Variants in RAPGEF5 observed in about 807,000 individuals in gnomAD.
RAPGEF5 encodes the protein M-Ras-regulated GEF.
In RAPGEF5, 65 loss-of-function variants were observed where a neutral mutation model predicts 125.2. The observed-to-expected ratio is 0.52, with a 90% CI of 0.43 to 0.64. The LOEUF (loss-of-function observed/expected upper bound fraction) is 0.64, where lower values mean the gene tolerates loss of function less well. RAPGEF5 is among the 30% of genes least tolerant of loss of function. The pLI is 0.00. For synonymous variants in RAPGEF5, 391 were observed against 385.9 expected (o/e 1.01, Z -0.16); for missense variants, 958 against 1,048.1 (o/e 0.91, Z 1.19).
At chr7:22,194,073 AAG>A in intron 9 of RAPGEF5, 40 bp from the exon 10 acceptor site, 4 of 1,535,066 alleles carry the variant, frequency 2.6e-6, no homozygotes, top group South Asian at 1.2e-5. Flanking sequence ...GAGAAGGAAA[AAG>A]AGAGAGAAAA....
rs181813163 is a variant in RAPGEF5 at position 22,224,326 on chromosome 7, A to G, written c.871-4335T>C. On this transcript the variant is annotated intron_variant, in intron 8 of 25. Coordinates refer to ENST00000665637, the MANE Select transcript of RAPGEF5 (RefSeq NM_012294.5). ...AAAAAAGTTTCAATGGTGTTATAAA[A>G]TAACTATGAAGGCAGGGAAACTGGG... Among the ~76,000 whole-genome samples, 3 of 152,328 alleles carry G rather than the reference A, an allele frequency of 2.0e-5. 1 individual carries two copies. Among genetic ancestry groups the G allele is most frequent in the Non-Finnish European group, 4.4e-5 (3 of 68,026 alleles).
At chr7:22,213,571 T>C (rs1260232213) in intron 9 of RAPGEF5, among the ~76,000 whole-genome samples, 2 of 152,194 alleles carry the variant, frequency 1.3e-5, no homozygotes, top group Non-Finnish European at 2.9e-5. Flanking sequence ...CTATTAAAAA[T>C]GGACTATAAT....
intron 1 of RAPGEF5, among the ~76,000 whole-genome samples, chr7:22,335,361 C>G (rs1244838580): frequency 6.6e-6 from 1 of 152,196 alleles, no homozygotes; most frequent in Non-Finnish European, 1.5e-5. Context: ...AATCTAAGAA[C>G]TGGGAAAGGC....
intron 11 of RAPGEF5, among the ~76,000 whole-genome samples, chr7:22,181,625 T>G (rs1784677936): frequency 6.6e-6 from 1 of 152,194 alleles, no homozygotes; most frequent in Non-Finnish European, 1.5e-5. Flanking sequence ...GTTCTGGGAT[T>G]TTGGTTGTTG....
At chr7:22,296,419 T>C (rs1252951929) in intron 5 of RAPGEF5, among the ~76,000 whole-genome samples, 1 of 152,140 alleles carries the variant, frequency 6.6e-6, no homozygotes, top group African/African-American at 2.4e-5. Context: ...AAATAACCTC[T>C]ATTGTGATTT....
chr7:22,247,748 A>AT (rs1786515524), intron 7 of RAPGEF5, among the ~76,000 whole-genome samples: 3 of 139,472 alleles, frequency 2.2e-5, no homozygotes, highest in Admixed American at 1.5e-4. Flanking sequence ...GGTGGACTGG[A>AT]TAAAAAAAAA....
At chr7:22,198,217 G>A (rs17146385) in intron 9 of RAPGEF5, among the ~76,000 whole-genome samples, 5,973 of 152,170 alleles carry the variant, frequency 0.039, 232 homozygotes, top group South Asian at 0.16. Context: ...CCAGAGAGAA[G>A]GGACATTTTG....
At chr7:22,178,626 G>T (rs146488910) in intron 11 of RAPGEF5, among the ~76,000 whole-genome samples, 1 of 152,350 alleles carries the variant, frequency 6.6e-6, no homozygotes, top group Non-Finnish European at 1.5e-5. Context: ...TACACAGCAT[G>T]AGGTCTAAAA....
intron 16 of RAPGEF5, 47 bp from the exon 17 acceptor site, chr7:22,154,651 G>A (rs749793047): frequency 7.5e-6 from 12 of 1,596,708 alleles, no homozygotes; most frequent in South Asian, 5.6e-5. Context: ...CAGTGGTCAC[G>A]AGGTATAGAC....
At chr7:22,220,044 A>G in intron 8 of RAPGEF5, 53 bp from the exon 9 acceptor site, 1 of 1,594,414 alleles carries the variant, frequency 6.3e-7, no homozygotes, top group Non-Finnish European at 8.6e-7. Flanking sequence ...GTCCCAGGAC[A>G]TGACACCACC....
At chr7:22,205,174 T>G (rs1280744320) in intron 9 of RAPGEF5, among the ~76,000 whole-genome samples, 2 of 152,238 alleles carry the variant, frequency 1.3e-5, no homozygotes, top group African/African-American at 4.8e-5. Flanking sequence ...CTCCACAACC[T>G]GTGATCCATT....
intron 7 of RAPGEF5, among the ~76,000 whole-genome samples, chr7:22,247,389 A>T (rs1040962601): frequency 6.6e-6 from 1 of 152,178 alleles, no homozygotes; most frequent in African/African-American, 2.4e-5. Context: ...CCCTCGTGTC[A>T]TGGGAGAGAC....
chr7:22,218,682 C>T (rs1388554052), intron 9 of RAPGEF5, among the ~76,000 whole-genome samples: 3 of 152,168 alleles, frequency 2.0e-5, no homozygotes, highest in African/African-American at 7.2e-5. Flanking sequence ...GGTTAGGCGT[C>T]AGTCTATGAT....
chr7:22,309,769 CT>C (rs1783426843), intron 4 of RAPGEF5, among the ~76,000 whole-genome samples, 199 bp downstream of exon 4: 1 of 152,144 alleles, frequency 6.6e-6, no homozygotes, highest in Admixed American at 6.5e-5. Flanking sequence ...CAGCAAGTAT[CT>C]AATAATTTTT....
intron 14 of RAPGEF5, among the ~76,000 whole-genome samples, chr7:22,159,226 T>C (rs1239389127): frequency 3.3e-5 from 5 of 152,220 alleles, no homozygotes; most frequent in Non-Finnish European, 7.3e-5. Context: ...TAACATAATG[T>C]AGACTGCAAT....
chr7:22,209,485 A>C (rs12700358), intron 9 of RAPGEF5, among the ~76,000 whole-genome samples: 106,569 of 152,098 alleles, frequency 0.7, 37,552 homozygotes, highest in East Asian at 0.76. Flanking sequence ...TTAGAGAGGA[A>C]AGTATTATGT....
chr7:22,220,258 G>A, intron 8 of RAPGEF5: 2 of 324,800 alleles, frequency 6.2e-6, no homozygotes, highest in South Asian at 1.5e-4. Flanking sequence ...GCTACTAAGT[G>A]TGCGCCTGAT....
chr7:22,131,117 A>C lies in RAPGEF5; in HGVS notation c.2417-16T>G. The C allele has an allele frequency of 6.5e-7, 1 of 1,527,188 alleles. No homozygotes were observed. The highest frequency in any genetic ancestry group is 8.8e-7 in the Non-Finnish European group (1 of 1,137,108). 94.6% of individuals were successfully genotyped at this position (1,527,188 alleles called of 1,614,324 possible). On this transcript the variant is annotated splice_polypyrimidine_tract_variant and intron_variant, in intron 23 of 25. Coordinates refer to ENST00000665637, the MANE Select transcript of RAPGEF5 (RefSeq NM_012294.5). Reference sequence around the variant, plus strand: ...AATGTTACATCTGAAAATTAAAAACAAAAAGATGTATGTATCATTAGGAAT... The same window carrying C: ...AATGTTACATCTGAAAATTAAAAACCAAAAGATGTATGTATCATTAGGAAT...
At chr7:22,123,362 T>C (rs1782641258) in intron 25 of RAPGEF5, among the ~76,000 whole-genome samples, 1 of 151,852 alleles carries the variant, frequency 6.6e-6, no homozygotes, top group Non-Finnish European at 1.5e-5. Flanking sequence ...AGCAAACCAT[T>C]TGAGGCTGGG....
Sources: gnomAD v4.1 joint callset for allele counts (sites outside exome capture counted in the v4.1 genomes callset) on GRCh38, gnomAD v4.1.1 for gene constraint, MANE v1.5 for transcripts, NCBI Gene and HGNC (gene_info 2026-07-23, HGNC 2026-07-21) for gene names.